Variants in DDB1 observed in about 807,000 individuals in gnomAD.
DDB1 encodes damage specific DNA binding protein 1, also known as DNA damage-binding protein 1.
DDB1 carries 18 observed loss-of-function variants against 133.1 expected under a neutral mutation model. That is an observed-to-expected ratio of 0.14 (90% CI 0.09 to 0.20). DDB1 has a LOEUF of 0.20. DDB1 is among the 10% of genes least tolerant of loss of function. The pLI, the probability that DDB1 is intolerant of heterozygous loss-of-function variation, is 1.00. For synonymous variants in DDB1, 580 were observed against 550.5 expected, an observed-to-expected ratio of 1.05 and a Z score of -0.75; for missense variants, 828 against 1,459.2, an observed-to-expected ratio of 0.57 and a Z score of 7.05.
chr11:61,318,719 T>C (rs1357984314), intron 10 of DDB1, among the ~76,000 whole-genome samples: 1 of 152,220 alleles, frequency 6.6e-6, no homozygotes, highest in Admixed American at 6.5e-5. Flanking sequence ...TATTTTTATA[T>C]AGTTGGAATT....
intron 10 of DDB1, 33 bp downstream of exon 10, chr11:61,321,562 A>G (rs748868970): frequency 1.9e-6 from 3 of 1,602,592 alleles, no homozygotes; most frequent in Non-Finnish European, 2.6e-6. Context: ...CCCTCATGTA[A>G]GATCTACATC....
intron 6 of DDB1, 82 bp from the exon 7 acceptor site, chr11:61,324,219 C>T: frequency 1.3e-6 from 2 of 1,483,182 alleles, no homozygotes; most frequent in African/African-American, 1.4e-5. Context: ...ACTCCCTTTA[C>T]CAAACCCAGC....
At chr11:61,313,763 C>G in intron 15 of DDB1, 57 bp from the exon 16 acceptor site, 1 of 1,581,126 alleles carries the variant, frequency 6.3e-7, no homozygotes, top group South Asian at 1.1e-5. Flanking sequence ...AAAAAGCTGG[C>G]CTGTGAAAGT....
chr11:61,321,432 T>A, intron 10 of DDB1, 163 bp downstream of exon 10: 2 of 514,028 alleles, frequency 3.9e-6, no homozygotes, highest in Admixed American at 2.8e-5. Context: ...TAAAGTTTAC[T>A]TTTATACTTT....
intron 10 of DDB1, 71 bp from the exon 11 acceptor site, chr11:61,316,638 C>G (rs1210580548): frequency 2.6e-6 from 4 of 1,521,356 alleles, no homozygotes; most frequent in South Asian, 1.1e-5. Context: ...ACGGACAGGG[C>G]AGGCCAGGGG....
At chr11:61,310,174 C>T in intron 19 of DDB1, 121 bp downstream of exon 19, 1 of 1,454,620 alleles carries the variant, frequency 6.9e-7, no homozygotes, top group Non-Finnish European at 9.3e-7. Context: ...ATTCCCACCC[C>T]TCCTTTCTGC....
intron 6 of DDB1, 46 bp downstream of exon 6, chr11:61,325,565 C>T: frequency 6.6e-7 from 1 of 1,519,446 alleles, no homozygotes; most frequent in Non-Finnish European, 9.1e-7. Context: ...AAGGTGAGGA[C>T]AAGGAAAGAA....
Position 61,316,278 on chromosome 11 carries a change from T to C in DDB1, c.1410+7A>G, listed in dbSNP as rs1223637947. 1 of 1,613,688 alleles carries C rather than the reference T, an allele frequency of 6.2e-7. No homozygotes were observed. The highest frequency in any genetic ancestry group is 1.7e-5 in the Admixed American group (1 of 60,024). ...ATGGTAACACCTGCCCCTTTCTCAG[T>C]TATCACCTGGATAAGCTGCTGATGA... On this transcript the variant is annotated splice_region_variant and intron_variant, in intron 12 of 26. Transcript: ENST00000301764.
intron 20 of DDB1, 100 bp downstream of exon 20, chr11:61,309,696 T>A (rs575530114): frequency 4.5e-6 from 6 of 1,323,790 alleles, no homozygotes; most frequent in Non-Finnish European, 6.3e-6. Context: ...GAACCCAACT[T>A]CTTCTACTGC....
At chr11:61,316,954 T>TAG (rs1856086764) in intron 10 of DDB1, among the ~76,000 whole-genome samples, 1 of 9,434 alleles carries the variant, frequency 1.1e-4, no homozygotes, top group Non-Finnish European at 2.2e-4. Flanking sequence ...TAGATATATA[T>TAG]ATATATATAT....
At position 61,331,707 on chromosome 11, in the gene DDB1, C is replaced by T. The variant is rs760733160; in HGVS notation, c.62-16G>A. 6.2e-7 allele frequency: 1 copy of T among 1,613,532 alleles called. No individual in the cohort carries two copies. Among genetic ancestry groups the T allele is most frequent in the East Asian group, 2.2e-5 (1 of 44,866 alleles). On this transcript the variant is annotated splice_polypyrimidine_tract_variant and intron_variant, in intron 1 of 26. Transcript: ENST00000301764. ...GTAAAGTGTCCTGAAAGAACAGACC[C>T]TCTAACTTTTGAACTCAGGGGAAGG... is the stretch of plus-strand genomic sequence containing the variant.
At chr11:61,301,993 C>A (rs997110493) in intron 25 of DDB1, 2 of 323,950 alleles carry the variant, frequency 6.2e-6, no homozygotes, top group East Asian at 5.4e-5. Context: ...GGGCCAGAGG[C>A]GGACACATTT....
rs1855919476 is a variant in DDB1 at position 61,309,092 on chromosome 11, A to G, written c.2567-15T>C. 3.1e-6 allele frequency: 5 copies of G among 1,612,168 alleles called. No individual in the cohort carries two copies. The highest frequency in any genetic ancestry group is 4.2e-6 in the Non-Finnish European group (5 of 1,178,400). The stretch of plus-strand genomic sequence containing the variant: ...CTGTAGTTTTCCTGGGGGTGGAAAA[A>G]ATATGTTTGAGTCTCTATGAGCCCA... On this transcript the variant is annotated splice_polypyrimidine_tract_variant and intron_variant, in intron 20 of 26. Coordinates refer to ENST00000301764, the MANE Select transcript of DDB1 (RefSeq NM_001923.5).
At chr11:61,326,978 T>C (rs1856280686) in intron 4 of DDB1, 85 bp from the exon 5 acceptor site, 1 of 928,836 alleles carries the variant, frequency 1.1e-6, no homozygotes. Context: ...AAGCCACCAC[T>C]ACCCAGCATC....
intron 12 of DDB1, 77 bp from the exon 13 acceptor site, chr11:61,314,563 A>G (rs532536205): frequency 2.1e-6 from 3 of 1,403,752 alleles, no homozygotes; most frequent in South Asian, 2.8e-5. Flanking sequence ...TGGTAAATGC[A>G]GCCCTAATAG....
At chr11:61,322,434 A>G in intron 8 of DDB1, 22 bp from the exon 9 acceptor site, 1 of 1,585,906 alleles carries the variant, frequency 6.3e-7, no homozygotes, top group Non-Finnish European at 8.7e-7. Context: ...GAACAATGTT[A>G]TGTTAGTCCT....
chr11:61,311,993 G>A lies in DDB1; in HGVS notation c.2161C>T (p.Pro721Ser). Residue 721 changes from proline (P) to serine (S), a missense_variant, in exon 17 of 27, where the codon CCA (proline) becomes TCA (serine). Around this residue, in one of 7 missense-constraint regions of DDB1, gnomAD observed 396 missense variants for 554.1 expected, o/e 0.71. Transcript: ENST00000301764. ...CTCTCCCACCCTGGGCCTCACCTTG[G>A]AGACTCATAGAGGGGAACTGTGCGA... ...HIRTVPLYES[P>S]RKICYQEVSQ... The A allele has an allele frequency of 3.1e-6, 5 of 1,614,168 alleles. No individual in the cohort carries two copies. The highest frequency in any genetic ancestry group is 4.2e-6 in the Non-Finnish European group (5 of 1,180,034).
intron 20 of DDB1, among the ~76,000 whole-genome samples, 170 bp downstream of exon 20, chr11:61,309,626 T>C (rs905834566): frequency 6.6e-6 from 1 of 152,180 alleles, no homozygotes; most frequent in Non-Finnish European, 1.5e-5. Context: ...TTTTACTGTG[T>C]ACTGTTCACA....
chr11:61,309,235 G>A (rs1004480272), intron 20 of DDB1, among the ~76,000 whole-genome samples, 158 bp from the exon 21 acceptor site: 7 of 151,940 alleles, frequency 4.6e-5, no homozygotes, highest in South Asian at 2.1e-4. Flanking sequence ...TAATGACCAC[G>A]TGAAGTATGA....
Sources: gnomAD v4.1 joint callset for allele counts (sites outside exome capture counted in the v4.1 genomes callset) on GRCh38, gnomAD v4.1.1 for gene constraint, gnomAD v4.1.1 regional missense constraint, MANE v1.5 for transcripts, NCBI Gene and HGNC (gene_info 2026-07-23, HGNC 2026-07-21) for gene names.